GBP3: variants seen among roughly 807,000 people sequenced by gnomAD.
GBP3 encodes the protein guanylate-binding protein 3.
GBP3 carries 55 observed loss-of-function variants against 62.4 expected under a neutral mutation model. The ratio of observed to expected loss-of-function variants is 0.88; its 90% confidence interval spans 0.71 to 1.10. The LOEUF (loss-of-function observed/expected upper bound fraction) is 1.10, where lower values mean the gene tolerates loss of function less well. Among genes scored for constraint, GBP3 ranks in the 50% least tolerant of loss-of-function variants. The pLI, the probability that GBP3 is intolerant of heterozygous loss-of-function variation, is 0.00. For synonymous variants in GBP3, 208 were observed against 259.2 expected, an observed-to-expected ratio of 0.80 and a Z score of 1.90; for missense variants, 605 against 690.6, an observed-to-expected ratio of 0.88 and a Z score of 1.39.
intron 2 of GBP3, chr1:89,020,126 C>T: frequency 3.0e-6 from 1 of 333,296 alleles, no homozygotes. Context: ...GTAGTCCTAC[C>T]TACTCAGGAG....
chr1:89,018,883 T>A (rs546062048), intron 2 of GBP3, among the ~76,000 whole-genome samples: 2 of 152,324 alleles, frequency 1.3e-5, no homozygotes, highest in African/African-American at 4.8e-5. Flanking sequence ...ATCTATTATT[T>A]CTCGACCTGC....
intron 2 of GBP3, among the ~76,000 whole-genome samples, chr1:89,016,283 G>A (rs144945296): frequency 0.011 from 1,742 of 152,290 alleles, 12 homozygotes; most frequent in Non-Finnish European, 0.019. Flanking sequence ...TGAGGCAGGT[G>A]ATCACAAGGT....
At chr1:89,008,656 G>A (rs555066227) in intron 10 of GBP3, among the ~76,000 whole-genome samples, 6 of 151,760 alleles carry the variant, frequency 4.0e-5, no homozygotes, top group Non-Finnish European at 7.4e-5. Flanking sequence ...GCTTCATATG[G>A]TATTAAGCAA....
chr1:89,014,455 C>T, intron 4 of GBP3, 92 bp downstream of exon 4: 1 of 1,612,706 alleles, frequency 6.2e-7, no homozygotes, highest in Non-Finnish European at 8.5e-7. Context: ...TCCTTTTGAG[C>T]TTGATTCATC....
intron 2 of GBP3, among the ~76,000 whole-genome samples, chr1:89,017,599 T>C (rs1276108169): frequency 6.6e-6 from 1 of 152,168 alleles, no homozygotes; most frequent in Non-Finnish European, 1.5e-5. Context: ...CTAGCAAATA[T>C]AAAGAATTCC....
chr1:89,013,886 T>C (rs1199544921), intron 5 of GBP3, 197 bp downstream of exon 5: 2 of 557,794 alleles, frequency 3.6e-6, no homozygotes, highest in Non-Finnish European at 6.3e-6. Context: ...TTAATTTAGA[T>C]ATTCAGCAAG....
Position 89,021,544 on chromosome 1 carries a change from A to ACACACACACACACCCC in GBP3, c.-22-802_-22-801insGGGGTGTGTGTGTGTG, listed in dbSNP as rs761151308. ...CACACACACACACACACACACACACACCCCAAAAAAACCAAACCAAACAAA... is the reference window on the plus strand; with the variant it reads ...CACACACACACACACACACACACACACACACACACACACCCCCCCCAAAAAAACCAAACCAAACAAA... On this transcript the variant is annotated intron_variant, in intron 1 of 10. Transcript: ENST00000370481. 2.8e-3 allele frequency among the ~76,000 whole-genome samples: 396 copies of ACACACACACACACCCC among 141,016 alleles called. 4 individuals carry two copies. Among genetic ancestry groups the ACACACACACACACCCC allele is most frequent in the Admixed American group, 4.8e-3 (68 of 14,052 alleles). The allele number at this position is 141,016 out of a possible 152,430, so 92.5% of individuals were successfully genotyped here. A position where few individuals can be genotyped will look rare whatever the true frequency, so the allele number is the denominator to read the frequency against.
At chr1:89,017,877 G>C (rs765237128) in intron 2 of GBP3, among the ~76,000 whole-genome samples, 2 of 152,184 alleles carry the variant, frequency 1.3e-5, no homozygotes, top group Non-Finnish European at 2.9e-5. Flanking sequence ...TCAGGAGTTT[G>C]AGACCGGCCT....
chr1:89,019,136 G>A (rs762915831), intron 2 of GBP3, among the ~76,000 whole-genome samples: 2 of 152,210 alleles, frequency 1.3e-5, no homozygotes, highest in Non-Finnish European at 1.5e-5. Context: ...AGGAGTGAAA[G>A]CAGGGACTCG....
chr1:89,011,865 G>C lies in GBP3; in HGVS notation c.1031C>G (p.Pro344Arg). 2 of 1,461,946 alleles carry C rather than the reference G, an allele frequency of 1.4e-6. No individual in the cohort carries two copies. Among genetic ancestry groups the C allele is most frequent in the Non-Finnish European group, 1.9e-6 (2 of 1,055,176 alleles). 90.6% of individuals were successfully genotyped at this position (1,461,946 alleles called of 1,614,324 possible). A position where few individuals can be genotyped will look rare whatever the true frequency, so the allele number is the denominator to read the frequency against. Residue 344 changes from proline (P) to arginine (R), a missense_variant, in exon 7 of 11, where the codon CCC (proline) becomes CGC (arginine). Pro to Arg is a moderately radical substitution (Grantham distance 103, BLOSUM62 -2). This residue lies in a region of GBP3 where 137 missense variants were observed against 224.7 expected (regional missense o/e 0.61). Transcript: ENST00000370481. ...CAGCAGCTCCTGGAGGGTTTCTGCG[G>C]GCAGCTGCACCTTCTGGCCCATCTG... ...DQQMGQKVQL[P>R]AETLQELLDL... is the part of the protein sequence containing the mutation.
In GBP3 at chr1:89,009,471, G is replaced by A. The variant is rs1440667250; in HGVS notation, c.1386C>T (p.Tyr462=). Residue 462 remains tyrosine, a synonymous_variant, in exon 9 of 11, where the codon TAC becomes TAT. Transcript: ENST00000370481. ...GIQAEEILQT[Y]LKSKESVTDA... ...CGGTCACAGACTCCTTGGATTTCAA[G>A]TATGTCTGCAGAATCTCTTCAGCCT... The A allele has an allele frequency of 6.2e-7, 1 of 1,614,138 alleles. No homozygotes were observed. Among genetic ancestry groups the A allele is most frequent in the East Asian group, 2.2e-5 (1 of 44,886 alleles).
chr1:89,020,754 A>C lies in GBP3; in HGVS notation c.-22-11T>G, dbSNP rs1489990304. The C allele has an allele frequency of 6.2e-7, 1 of 1,601,548 alleles. No homozygotes were observed. Among genetic ancestry groups the C allele is most frequent in the African/African-American group, 1.3e-5 (1 of 74,658 alleles). On this transcript the variant is annotated splice_polypyrimidine_tract_variant and intron_variant, in intron 1 of 10. Transcript: ENST00000370481. ...GCATTGTTCTCTTGTCTGCAAGGGA[A>C]GAGTTGGAATGAATTAGAATTTCCA...
rs59316955 is a variant in GBP3 at position 89,013,069 on chromosome 1, C to T, written c.868+116G>A. On this transcript the variant is annotated intron_variant, in intron 6 of 10. Coordinates refer to ENST00000370481, the MANE Select transcript of GBP3 (RefSeq NM_018284.3). Reference sequence around the variant, plus strand: ...GCTAGGTTGGTCTCAAACTCCTGGCCTCAAGTGATCTGCCCTCCTCGGCCT... The same window carrying T: ...GCTAGGTTGGTCTCAAACTCCTGGCTTCAAGTGATCTGCCCTCCTCGGCCT... The T allele has an allele frequency of 0.02, 23,638 of 1,163,452 alleles. 3,358 individuals carry two copies. In the African/African-American group the frequency reaches 0.31, roughly 15 times the overall value. The allele number at this position is 1,163,452 out of a possible 1,614,324, so 72.1% of individuals were successfully genotyped here. A position where few individuals can be genotyped will look rare whatever the true frequency, so the allele number is the denominator to read the frequency against.
At chr1:89,011,247 AC>A in intron 7 of GBP3, 131 bp from the exon 8 acceptor site, 1 of 1,181,050 alleles carries the variant, frequency 8.5e-7, no homozygotes. Flanking sequence ...CCTCAGCAGG[AC>A]CACGCTCTTA....
At position 89,008,488 on chromosome 1, in the gene GBP3, G is replaced by A. The variant is rs571416675; in HGVS notation, c.1659+459C>T. Among the ~76,000 whole-genome samples the A allele has an allele frequency of 2.0e-5, 3 of 146,492 alleles. No individual in the cohort carries two copies. The East Asian group carries it at 6.0e-4, about 29-fold the overall frequency. ...TTCTGCTCATAAAAGTTCTCTTAGAGCCAAAGTCATACTAGATGGGATAGA... is the reference window on the plus strand; with the variant it reads ...TTCTGCTCATAAAAGTTCTCTTAGAACCAAAGTCATACTAGATGGGATAGA... On this transcript the variant is annotated intron_variant, in intron 10 of 10. Coordinates refer to ENST00000370481, the MANE Select transcript of GBP3 (RefSeq NM_018284.3).
Position 89,018,032 on chromosome 1 carries a change from T to C in GBP3, c.190+2500A>G, listed in dbSNP as rs1678980712. The stretch of plus-strand genomic sequence containing the variant: ...AGGTGGAGGTTGCAGTGAGCTGGGG[T>C]CGTGCCACTGCACTCCAGCCTGGGT... On this transcript the variant is annotated intron_variant, in intron 2 of 10. Transcript: ENST00000370481. Among the ~76,000 whole-genome samples, 3 of 150,672 alleles carry C rather than the reference T, an allele frequency of 2.0e-5. No homozygotes were observed. In the East Asian group the frequency reaches 5.9e-4, roughly 29 times the overall value.
intron 9 of GBP3, 89 bp downstream of exon 9, chr1:89,009,303 A>G: frequency 6.9e-7 from 1 of 1,456,390 alleles, no homozygotes; most frequent in Non-Finnish European, 9.4e-7. Context: ...AGGTTTATCC[A>G]GTCAAATTAT....
intron 1 of GBP3, among the ~76,000 whole-genome samples, chr1:89,021,079 A>G (rs1261986698): frequency 6.6e-6 from 1 of 152,182 alleles, no homozygotes. Context: ...TCCTGGCTAT[A>G]TGTAAGAAAT....
intron 2 of GBP3, among the ~76,000 whole-genome samples, chr1:89,019,115 G>A (rs1030727881): frequency 1.3e-5 from 2 of 152,220 alleles, no homozygotes; most frequent in South Asian, 2.1e-4. Context: ...ACTTCTGGGT[G>A]TATACTGAAA....
Sources: allele counts gnomAD v4.1 joint callset (sites outside exome capture counted in the v4.1 genomes callset), GRCh38; gene constraint gnomAD v4.1.1; regional missense constraint gnomAD v4.1.1; transcripts MANE v1.5; gene names NCBI Gene and HGNC (gene_info 2026-07-23, HGNC 2026-07-21).